Variants in KCNIP4 observed in about 807,000 individuals in gnomAD.
The protein encoded by KCNIP4 is Kv channel-interacting protein 4.
A neutral mutation model predicts 34.0 loss-of-function variants in KCNIP4; 12 were observed. The observed-to-expected ratio is 0.35, with a 90% CI of 0.23 to 0.57. The LOEUF (loss-of-function observed/expected upper bound fraction) is 0.57. KCNIP4 is among the 20% of genes least tolerant of loss of function. KCNIP4 has a pLI of 0.83. For synonymous variants in KCNIP4, 124 were observed against 102.2 expected (o/e 1.21, Z -1.29); for missense variants, 238 against 311.7 (o/e 0.76, Z 1.78).
intron 1 of KCNIP4, among the ~76,000 whole-genome samples, chr4:21,867,457 C>T (rs1725502562): frequency 6.6e-6 from 1 of 152,200 alleles, no homozygotes; most frequent in Non-Finnish European, 1.5e-5. Flanking sequence ...TTCTCTGTCT[C>T]TGGAGTCCAA....
At chr4:21,250,081 G>C (rs1166771263) in intron 1 of KCNIP4, among the ~76,000 whole-genome samples, 2 of 150,892 alleles carry the variant, frequency 1.3e-5, no homozygotes, top group African/African-American at 4.9e-5. Flanking sequence ...TAAAGGGAGT[G>C]GTAAACTGTT....
chr4:21,891,828 C>G (rs1727113659), intron 1 of KCNIP4, among the ~76,000 whole-genome samples: 1 of 151,962 alleles, frequency 6.6e-6, no homozygotes. Context: ...AAAGCACTAT[C>G]CTTAGAAATA....
At chr4:21,728,569 C>T (rs1409614983) in intron 1 of KCNIP4, among the ~76,000 whole-genome samples, 1 of 152,138 alleles carries the variant, frequency 6.6e-6, no homozygotes, top group Admixed American at 6.6e-5. Context: ...CATGCCACAC[C>T]TCTGCTCAAG....
intron 1 of KCNIP4, among the ~76,000 whole-genome samples, chr4:20,937,222 C>CTGTTTTTTTTTTTTTTT (rs1731162338): frequency 2.2e-5 from 1 of 45,524 alleles, no homozygotes; most frequent in Non-Finnish European, 4.3e-5. Context: ...CCCAAGGAGT[C>CTGTTTTTTTTTTTTTTT]TTTTTTTTTT....
intron 1 of KCNIP4, among the ~76,000 whole-genome samples, chr4:21,185,849 G>T (rs952570850): frequency 6.6e-6 from 1 of 152,126 alleles, no homozygotes; most frequent in Non-Finnish European, 1.5e-5. Context: ...ATGAGAAGAA[G>T]CATCAGAAAA....
At chr4:21,909,119 T>C (rs1159748213) in intron 1 of KCNIP4, among the ~76,000 whole-genome samples, 1 of 152,116 alleles carries the variant, frequency 6.6e-6, no homozygotes, top group African/African-American at 2.4e-5. Context: ...AAAAGAACCA[T>C]ATCAATAGTT....
chr4:20,769,710 C>T (rs1433320490), intron 3 of KCNIP4, among the ~76,000 whole-genome samples: 2 of 152,198 alleles, frequency 1.3e-5, no homozygotes, highest in African/African-American at 4.8e-5. Context: ...GGCTATGGTT[C>T]TCATCTGGGC....
chr4:21,684,647 T>C (rs899441270), intron 1 of KCNIP4, among the ~76,000 whole-genome samples: 1 of 152,196 alleles, frequency 6.6e-6, no homozygotes, highest in Non-Finnish European at 1.5e-5. Flanking sequence ...GTTAATCTTA[T>C]TTTTGGTGAA....
rs1167615008 is a variant in KCNIP4, at chr4:20,728,835, C to G, written c.*1247G>C. 6.6e-6 allele frequency: 1 copy of G among 152,506 alleles called. No homozygotes were observed. The highest frequency in any genetic ancestry group is 1.5e-5 in the Non-Finnish European group (1 of 68,018). The allele number at this position is 152,506 out of a possible 1,614,324, so 9.4% of individuals were successfully genotyped here. On this transcript the variant is annotated 3_prime_UTR_variant, in exon 9 of 9. Transcript: ENST00000382152. Reference sequence around the variant, plus strand: ...GTTGCAAATTTCCTCCTTCTGTAGCCTCTTGGTCTTTGTGATATTTCTACA... The same window carrying G: ...GTTGCAAATTTCCTCCTTCTGTAGCGTCTTGGTCTTTGTGATATTTCTACA...
At position 21,141,121 on chromosome 4, in the gene KCNIP4, G is replaced by T. The variant is rs564659732; in HGVS notation, c.62-258412C>A. 6.2e-4 allele frequency among the ~76,000 whole-genome samples: 94 copies of T among 152,210 alleles called. 2 individuals are homozygous for T. The South Asian group carries it at 0.018, about 30-fold the overall frequency. ...TGTTCATAGTATACTGTAGTTTATT[G>T]TGTGTAATAGCATTATCTCTAAGGA... On this transcript the variant is annotated intron_variant, in intron 1 of 8. Transcript: ENST00000382152.
intron 1 of KCNIP4, chr4:20,983,864 C>T (rs1046579219): frequency 6.5e-7 from 1 of 1,536,364 alleles, no homozygotes. Context: ...CAGAGATGCA[C>T]ATATAATCAC....
At chr4:20,845,187 C>T (rs1364800354) in intron 3 of KCNIP4, among the ~76,000 whole-genome samples, 6 of 152,250 alleles carry the variant, frequency 3.9e-5, no homozygotes, top group Non-Finnish European at 7.4e-5. Flanking sequence ...ATCATGACCC[C>T]TGTGACCCAC....
intron 1 of KCNIP4, among the ~76,000 whole-genome samples, chr4:21,798,404 C>CATACATAT (rs557219481): frequency 2.3e-5 from 3 of 129,644 alleles, no homozygotes; most frequent in Non-Finnish European, 3.3e-5. Context: ...CAAAAAAATA[C>CATACATAT]ATATATATAT....
At chr4:21,288,393 C>G (rs1461007673) in intron 1 of KCNIP4, among the ~76,000 whole-genome samples, 2 of 151,810 alleles carry the variant, frequency 1.3e-5, no homozygotes, top group Non-Finnish European at 2.9e-5. Context: ...AACAGAAGTC[C>G]CTATCATTAT....
intron 1 of KCNIP4, among the ~76,000 whole-genome samples, chr4:21,018,525 A>G (rs1360040458): frequency 6.6e-6 from 1 of 152,102 alleles, no homozygotes; most frequent in Non-Finnish European, 1.5e-5. Flanking sequence ...GATGCGATGG[A>G]AGGCTTCTCT....
At chr4:20,940,989 A>ATGTT (rs1577402736) in intron 1 of KCNIP4, among the ~76,000 whole-genome samples, 1 of 152,262 alleles carries the variant, frequency 6.6e-6, no homozygotes, top group East Asian at 1.9e-4. Flanking sequence ...GGCCCATTTC[A>ATGTT]TGTTTTTCAA....
chr4:21,010,450 A>G (rs1424103615), intron 1 of KCNIP4, among the ~76,000 whole-genome samples: 3 of 152,168 alleles, frequency 2.0e-5, no homozygotes, highest in Non-Finnish European at 4.4e-5. Flanking sequence ...TTAATTCCCC[A>G]AAGAAAATGC....
intron 1 of KCNIP4, among the ~76,000 whole-genome samples, chr4:21,705,705 A>C (rs182774864): frequency 6.6e-6 from 1 of 152,278 alleles, no homozygotes; most frequent in Non-Finnish European, 1.5e-5. Flanking sequence ...ATGTTTGAGT[A>C]AAATTTGAAG....
chr4:21,495,808 T>A (rs1453743822), intron 1 of KCNIP4, among the ~76,000 whole-genome samples: 1 of 152,192 alleles, frequency 6.6e-6, no homozygotes, highest in East Asian at 1.9e-4. Context: ...AGAGAAAGAA[T>A]TATTCAATCA....
Sources: gnomAD v4.1 joint callset for allele counts (sites outside exome capture counted in the v4.1 genomes callset) on GRCh38, gnomAD v4.1.1 for gene constraint, MANE v1.5 for transcripts, NCBI Gene and HGNC (gene_info 2026-07-23, HGNC 2026-07-21) for gene names.